The following RBFOX3 variants were observed in gnomAD, a reference collection of about 807,000 sequenced individuals.
The protein encoded by RBFOX3 is RNA binding protein fox-1 homolog 3.
In RBFOX3, 17 loss-of-function variants were observed where a neutral mutation model predicts 48.7. That is an observed-to-expected ratio of 0.35 (90% CI 0.24 to 0.52). The LOEUF (loss-of-function observed/expected upper bound fraction) is 0.52. Among genes scored for constraint, RBFOX3 ranks in the 20% least tolerant of loss-of-function variants. RBFOX3 has a pLI of 0.94. For synonymous variants in RBFOX3, 212 were observed against 209.5 expected (o/e 1.01, Z -0.10); for missense variants, 382 against 497.5 (o/e 0.77, Z 2.21).
At chr17:79,239,800 A>G (rs2147978121) in intron 3 of RBFOX3, among the ~76,000 whole-genome samples, 1 of 152,380 alleles carries the variant, frequency 6.6e-6, no homozygotes. Flanking sequence ...GAACAAGGGA[A>G]TGAAATTGTA....
At chr17:79,595,182 C>T (rs900074712) in intron 1 of RBFOX3, among the ~76,000 whole-genome samples, 21 of 152,014 alleles carry the variant, frequency 1.4e-4, no homozygotes, top group Non-Finnish European at 2.8e-4. Context: ...CCAGGTGTGC[C>T]GAGGCTGACC....
At chr17:79,505,107 A>G (rs1280727455) in intron 1 of RBFOX3, among the ~76,000 whole-genome samples, 11 of 152,184 alleles carry the variant, frequency 7.2e-5, no homozygotes, top group African/African-American at 2.7e-4. Context: ...AGAAGTTCAC[A>G]AGGAGATGCC....
chr17:79,649,830 T>C, the RBFOX3 span, among the ~76,000 whole-genome samples: 1 of 152,094 alleles, frequency 6.6e-6, no homozygotes, highest in African/African-American at 2.4e-5. Context: ...CTCAGGAAAC[T>C]TACAGTCATG....
intron 2 of RBFOX3, among the ~76,000 whole-genome samples, chr17:79,341,587 C>G (rs1344845315): frequency 6.6e-6 from 1 of 152,094 alleles, no homozygotes; most frequent in Non-Finnish European, 1.5e-5. Context: ...GTCCTACACG[C>G]CACATGGGCT....
At chr17:79,537,121 A>G (rs536738136) in intron 1 of RBFOX3, among the ~76,000 whole-genome samples, 1,581 of 151,264 alleles carry the variant, frequency 0.01, 23 homozygotes, top group African/African-American at 0.037. Context: ...AAAAAACAAA[A>G]AAAAAAAAAA....
intron 4 of RBFOX3, among the ~76,000 whole-genome samples, chr17:79,181,406 G>T (rs1243329620): frequency 6.6e-6 from 1 of 152,196 alleles, no homozygotes; most frequent in African/African-American, 2.4e-5. Context: ...ACCGGGAGGG[G>T]CTGGGAACCT....
Position 79,361,235 on chromosome 17 carries a change from G to A in RBFOX3, c.-174-53411C>T, listed in dbSNP as rs993605391. Among the ~76,000 whole-genome samples, 2 of 152,140 alleles carry A rather than the reference G, an allele frequency of 1.3e-5. No individual in the cohort carries two copies. Among genetic ancestry groups the A allele is most frequent in the South Asian group, 2.1e-4 (1 of 4,818 alleles). ...TTTCTCCTGGACCAATCCCATCCTCGGCTTGCCACTGCCCGACCTGGCCTC... is the reference window on the plus strand; with the variant it reads ...TTTCTCCTGGACCAATCCCATCCTCAGCTTGCCACTGCCCGACCTGGCCTC... On this transcript the variant is annotated intron_variant, in intron 2 of 14. Coordinates refer to ENST00000693108, the MANE Select transcript of RBFOX3 (RefSeq NM_001350451.2). The surrounding 1 kb of genome is among the most constrained non-coding windows in gnomAD (Gnocchi z 4.5).
In RBFOX3 at chr17:79,106,651, C is replaced by T. The variant is rs2077439389; in HGVS notation, c.360G>A (p.Gly120=). ...GATGGGTGGGGCCGCGCACACTCAC[C>T]CCGAACATTTGCCGCAAGTCGGGGT... is the stretch of plus-strand genomic sequence containing the variant. ...FRDPDLRQMF[G]QFGKILDVEI... is the part of the protein sequence containing the mutation. Residue 120 remains glycine, a splice_region_variant and synonymous_variant, in exon 6 of 15, where the codon GGG becomes GGA. Transcript: ENST00000693108. The T allele has an allele frequency of 6.8e-7, 1 of 1,474,900 alleles. No homozygotes were observed. The highest frequency in any genetic ancestry group is 9.0e-7 in the Non-Finnish European group (1 of 1,117,254). The allele number at this position is 1,474,900 out of a possible 1,614,324, so 91.4% of individuals were successfully genotyped here. A position where few individuals can be genotyped will look rare whatever the true frequency, so the allele number is the denominator to read the frequency against.
At position 79,322,287 on chromosome 17, in the gene RBFOX3, C is replaced by T. The variant is rs528282578; in HGVS notation, c.-174-14463G>A. On this transcript the variant is annotated intron_variant, in intron 2 of 14. Coordinates refer to ENST00000693108, the MANE Select transcript of RBFOX3 (RefSeq NM_001350451.2). ...GAGAGAGAGGAAGAGCAAGAAGCTG[C>T]TCTGTGGAGCAACCTGGTGTTCAGC... Among the ~76,000 whole-genome samples the T allele has an allele frequency of 3.0e-4, 46 of 152,198 alleles. No homozygotes were observed. The South Asian group carries it at 9.5e-3, about 32-fold the overall frequency.
intron 1 of RBFOX3, among the ~76,000 whole-genome samples, chr17:79,585,310 A>G (rs916072485): frequency 2.6e-5 from 4 of 151,996 alleles, no homozygotes; most frequent in African/African-American, 9.7e-5. Flanking sequence ...AATCCCAGCA[A>G]TCTGGGAGGC....
At chr17:79,138,691 G>GCCCTCACCCACACATGCAC (rs1568206338) in intron 4 of RBFOX3, among the ~76,000 whole-genome samples, 5 of 29,298 alleles carry the variant, frequency 1.7e-4, no homozygotes, top group Non-Finnish European at 2.6e-4. Flanking sequence ...CATACACATG[G>GCCCTCACCCACACATGCAC]ACACAGCACA....
chr17:79,550,770 T>C (rs1268675382), intron 1 of RBFOX3, among the ~76,000 whole-genome samples: 1 of 152,050 alleles, frequency 6.6e-6, no homozygotes, highest in Non-Finnish European at 1.5e-5. Flanking sequence ...TGTGGATGAA[T>C]GCGTGGGTGG....
intron 14 of RBFOX3, among the ~76,000 whole-genome samples, chr17:79,094,076 G>A (rs1302354510): frequency 6.6e-6 from 1 of 152,188 alleles, no homozygotes; most frequent in African/African-American, 2.4e-5. Flanking sequence ...GGCCTTGGGA[G>A]CCTCTGCTGG....
chr17:79,373,742 C>G (rs1395243226), intron 2 of RBFOX3, among the ~76,000 whole-genome samples: 1 of 152,168 alleles, frequency 6.6e-6, no homozygotes, highest in Non-Finnish European at 1.5e-5. Context: ...CTACCACCTG[C>G]CCAGCAAGTC....
intron 1 of RBFOX3, among the ~76,000 whole-genome samples, chr17:79,541,498 G>A (rs1443961475): frequency 2.6e-5 from 4 of 152,218 alleles, no homozygotes; most frequent in Admixed American, 6.5e-5. Context: ...GGCCGGCAGC[G>A]GGTCCGCCTG....
intron 4 of RBFOX3, among the ~76,000 whole-genome samples, chr17:79,152,540 C>T (rs2707034): frequency 1.6e-4 from 24 of 152,212 alleles, no homozygotes; most frequent in Non-Finnish European, 2.8e-4. Flanking sequence ...TTCTTCACCC[C>T]GCTTAACGCC....
chr17:79,369,330 C>CG (rs1407773482), intron 2 of RBFOX3, among the ~76,000 whole-genome samples: 1 of 152,168 alleles, frequency 6.6e-6, no homozygotes, highest in Non-Finnish European at 1.5e-5. Flanking sequence ...CCCCACTCCC[C>CG]GGGGAGGGGC....
intron 2 of RBFOX3, among the ~76,000 whole-genome samples, chr17:79,340,860 G>A (rs1032594449): frequency 6.6e-6 from 1 of 152,210 alleles, no homozygotes; most frequent in Non-Finnish European, 1.5e-5. Context: ...ATAAACAACT[G>A]TGGTACTTGA....
chr17:79,594,299 A>AT (rs2093507291), intron 1 of RBFOX3, among the ~76,000 whole-genome samples: 1 of 152,194 alleles, frequency 6.6e-6, no homozygotes, highest in African/African-American at 2.4e-5. Context: ...GATTCTGCAT[A>AT]TGGAGCTGTG....
Sources: allele counts gnomAD v4.1 joint callset (sites outside exome capture counted in the v4.1 genomes callset), GRCh38; gene constraint gnomAD v4.1.1; non-coding constraint Gnocchi (gnomAD v3.1); transcripts MANE v1.5; gene names NCBI Gene and HGNC (gene_info 2026-07-23, HGNC 2026-07-21).